Variants in FCHSD2 observed in about 807,000 individuals in gnomAD.
FCHSD2 encodes the protein F-BAR and double SH3 domains protein 2.
In FCHSD2, 38 loss-of-function variants were observed where a neutral mutation model predicts 108.1. The observed-to-expected ratio is 0.35, with a 90% confidence interval of 0.27 to 0.46. The LOEUF (loss-of-function observed/expected upper bound fraction) is 0.46. Among genes scored for constraint, FCHSD2 ranks in the 20% least tolerant of loss-of-function variants. The probability of loss-of-function intolerance (pLI) is 1.00; values close to 1 mark genes in which losing one functional copy is unlikely to be tolerated. For synonymous variants in FCHSD2, 279 were observed against 314.7 expected (o/e 0.89, Z 1.20); for missense variants, 751 against 897.8 (o/e 0.84, Z 2.09).
chr11:72,843,036 C>T (rs1220245051), intron 16 of FCHSD2, 115 bp downstream of exon 16: 1 of 1,052,168 alleles, frequency 9.5e-7, no homozygotes, highest in African/African-American at 1.6e-5. Context: ...TAAAGAAAAG[C>T]ATATTATAGG....
intron 8 of FCHSD2, among the ~76,000 whole-genome samples, chr11:72,969,394 C>T (rs143999802): frequency 6.6e-6 from 1 of 152,292 alleles, no homozygotes; most frequent in African/African-American, 2.4e-5. Context: ...GGTTTTGCCA[C>T]CTCAGTTAAT....
At chr11:72,942,185 C>T (rs1856432963) in intron 8 of FCHSD2, among the ~76,000 whole-genome samples, 1 of 152,156 alleles carries the variant, frequency 6.6e-6, no homozygotes, top group South Asian at 2.1e-4. Context: ...TCTATAAGTT[C>T]ACACTAGAGC....
intron 3 of FCHSD2, among the ~76,000 whole-genome samples, chr11:73,081,261 C>G (rs1859677854): frequency 6.6e-6 from 1 of 151,944 alleles, no homozygotes; most frequent in African/African-American, 2.4e-5. Context: ...TGGTGAAACC[C>G]CAACTCTACT....
At chr11:72,984,333 G>A (rs996381833) in intron 7 of FCHSD2, 117 bp from the exon 8 acceptor site, 5 of 859,694 alleles carry the variant, frequency 5.8e-6, no homozygotes, top group African/African-American at 3.4e-5. Context: ...AGGTAACCAC[G>A]TGCGGAAAAC....
intron 10 of FCHSD2, among the ~76,000 whole-genome samples, chr11:72,898,067 C>T (rs1855457299): frequency 6.6e-6 from 1 of 152,106 alleles, no homozygotes; most frequent in South Asian, 2.1e-4. Flanking sequence ...AAGAACAAAG[C>T]TTGCCATTGG....
At chr11:72,861,970 G>C (rs911216900) in intron 13 of FCHSD2, among the ~76,000 whole-genome samples, 1 of 150,956 alleles carries the variant, frequency 6.6e-6, no homozygotes, top group African/African-American at 2.4e-5. Flanking sequence ...CATTACCCAA[G>C]TGGGGTTTAC....
Position 73,045,855 on chromosome 11 carries a change from C to T in FCHSD2, c.166-29970G>A, listed in dbSNP as rs1858750756. Among the ~76,000 whole-genome samples the T allele has an allele frequency of 4.6e-5, 7 of 151,620 alleles. No individual in the cohort carries two copies. In the South Asian group the frequency reaches 1.5e-3, roughly 32 times the overall value. On this transcript the variant is annotated intron_variant, in intron 3 of 19. Transcript: ENST00000409418. Reference sequence around the variant, plus strand: ...AGTGGGTGCAGCCACCAGCATGGCACATGTATACATATGTAACTAACCTGC... The same window carrying T: ...AGTGGGTGCAGCCACCAGCATGGCATATGTATACATATGTAACTAACCTGC...
intron 3 of FCHSD2, among the ~76,000 whole-genome samples, chr11:73,062,098 G>C (rs1236620832): frequency 6.6e-6 from 1 of 152,316 alleles, no homozygotes; most frequent in African/African-American, 2.4e-5. Flanking sequence ...CTGGGACGAA[G>C]CTTTCAGAGG....
At chr11:72,874,723 A>C (rs893722904) in intron 12 of FCHSD2, among the ~76,000 whole-genome samples, 1 of 152,220 alleles carries the variant, frequency 6.6e-6, no homozygotes, top group Non-Finnish European at 1.5e-5. Flanking sequence ...TTGCCAACTC[A>C]GATTTAGACT....
chr11:73,012,894 T>G (rs1316696048), intron 4 of FCHSD2, among the ~76,000 whole-genome samples: 1 of 152,242 alleles, frequency 6.6e-6, no homozygotes, highest in Non-Finnish European at 1.5e-5. Flanking sequence ...TTAAGTCTTC[T>G]AAATATCTCT....
chr11:73,011,382 C>T (rs143414149), intron 4 of FCHSD2, among the ~76,000 whole-genome samples: 1 of 152,240 alleles, frequency 6.6e-6, no homozygotes. Flanking sequence ...TGTGCACCAC[C>T]TAGGCTAGCA....
intron 5 of FCHSD2, among the ~76,000 whole-genome samples, chr11:72,990,406 T>G (rs924121417): frequency 2.4e-4 from 37 of 152,190 alleles, no homozygotes; most frequent in Non-Finnish European, 2.4e-4. Context: ...ATATACATTC[T>G]TCTCAGCACC....
rs886917429 is a variant in FCHSD2 at position 72,940,603 on chromosome 11, C to T, written c.706-18653G>A. ...CTGGCAGTACTGCCAGCTCTCTGCT[C>T]TCCACAGGGCTCCCCGCCCCACCCA... On this transcript the variant is annotated intron_variant, in intron 8 of 19. Transcript: ENST00000409418. The T allele has an allele frequency of 1.4e-5, 20 of 1,439,718 alleles. No individual in the cohort carries two copies. The Admixed American group carries it at 3.2e-4, about 23-fold the overall frequency. 89.2% of individuals were successfully genotyped at this position (1,439,718 alleles called of 1,614,324 possible). A position where few individuals can be genotyped will look rare whatever the true frequency, so the allele number is the denominator to read the frequency against.
At chr11:72,877,333 A>G (rs992988900) in intron 12 of FCHSD2, among the ~76,000 whole-genome samples, 1 of 152,124 alleles carries the variant, frequency 6.6e-6, no homozygotes, top group Non-Finnish European at 1.5e-5. Flanking sequence ...TCAGGCCAGT[A>G]AGATGGAGGT....
intron 2 of FCHSD2, among the ~76,000 whole-genome samples, chr11:73,110,836 CGTT>C (rs1180675585): frequency 6.6e-6 from 1 of 151,938 alleles, no homozygotes; most frequent in Non-Finnish European, 1.5e-5. Context: ...GTACTGCTGT[CGTT>C]GTATCTCATG....
intron 2 of FCHSD2, among the ~76,000 whole-genome samples, chr11:73,120,030 G>A (rs568659374): frequency 3.3e-5 from 5 of 151,762 alleles, no homozygotes; most frequent in Non-Finnish European, 7.4e-5. Flanking sequence ...AGGCAAAGAG[G>A]GAATGAGGAA....
chr11:72,942,870 T>C (rs1318354568), intron 8 of FCHSD2, among the ~76,000 whole-genome samples: 2 of 152,108 alleles, frequency 1.3e-5, no homozygotes, highest in African/African-American at 4.8e-5. Context: ...CTTCAAACTC[T>C]TGGACTTCAG....
chr11:72,941,468 GAC>G (rs1856417238), intron 8 of FCHSD2, among the ~76,000 whole-genome samples: 1 of 151,048 alleles, frequency 6.6e-6, no homozygotes, highest in Non-Finnish European at 1.5e-5. Context: ...ATAAAATATA[GAC>G]TCCCAACTCT....
intron 5 of FCHSD2, among the ~76,000 whole-genome samples, chr11:72,998,449 G>A (rs1427584557): frequency 1.3e-5 from 2 of 152,118 alleles, no homozygotes; most frequent in Non-Finnish European, 2.9e-5. Context: ...GACTGGGGTG[G>A]GAGGATCACC....
Sources: allele counts gnomAD v4.1 joint callset (sites outside exome capture counted in the v4.1 genomes callset), GRCh38; gene constraint gnomAD v4.1.1; transcripts MANE v1.5; gene names NCBI Gene and HGNC (gene_info 2026-07-23, HGNC 2026-07-21).